SCN1A: variants seen among roughly 807,000 people sequenced by gnomAD.
The protein encoded by SCN1A is sodium voltage-gated channel alpha subunit 1, also known as sodium channel protein type 1 subunit alpha.
SCN1A carries 13 observed loss-of-function variants against 193.7 expected under a neutral mutation model. The observed-to-expected ratio is 0.07, with a 90% CI of 0.04 to 0.11. SCN1A has a LOEUF of 0.11. SCN1A is among the 10% of genes least tolerant of loss of function. The probability of loss-of-function intolerance (pLI) is 1.00; values close to 1 mark genes in which losing one functional copy is unlikely to be tolerated. For missense variants in SCN1A, 1,432 were observed against 2,451.1 expected, an observed-to-expected ratio of 0.58 and a Z score of 8.78; for synonymous variants, 781 against 843.6, an observed-to-expected ratio of 0.93 and a Z score of 1.29.
intron 2 of SCN1A, among the ~76,000 whole-genome samples, chr2:166,124,759 G>A (rs536492073): frequency 1.3e-5 from 2 of 152,270 alleles, no homozygotes; most frequent in African/African-American, 2.4e-5. Flanking sequence ...AGACGCCATG[G>A]CCACGGTGTG....
chr2:166,076,391 G>A (rs898123327), intron 3 of SCN1A, among the ~76,000 whole-genome samples: 2 of 151,832 alleles, frequency 1.3e-5, no homozygotes, highest in Non-Finnish European at 2.9e-5. Context: ...AGAGATCAAA[G>A]AACAACTAAA....
chr2:166,144,474 G>A (rs754721339), intron 1 of SCN1A, among the ~76,000 whole-genome samples: 6 of 152,128 alleles, frequency 3.9e-5, no homozygotes, highest in Non-Finnish European at 7.4e-5. Context: ...ATGTGACTAT[G>A]ACTAGTATAA....
chr2:166,074,904 C>A (rs1472170753), intron 3 of SCN1A, among the ~76,000 whole-genome samples: 4 of 152,050 alleles, frequency 2.6e-5, no homozygotes, highest in Non-Finnish European at 5.9e-5. Flanking sequence ...AGTGGATGAT[C>A]AAAAGAAGGG....
At chr2:166,134,310 TTAACTC>T (rs201402776) in intron 1 of SCN1A, among the ~76,000 whole-genome samples, 2 of 152,154 alleles carry the variant, frequency 1.3e-5, no homozygotes, top group African/African-American at 4.8e-5. Flanking sequence ...TTCCCACAGT[TTAACTC>T]TAAAGGAAAT....
chr2:166,099,409 T>C (rs1368413395), intron 2 of SCN1A, among the ~76,000 whole-genome samples: 2 of 151,072 alleles, frequency 1.3e-5, no homozygotes, highest in Non-Finnish European at 2.9e-5. Flanking sequence ...AATATCATAC[T>C]GAATGGGCAA....
chr2:166,080,383 C>G (rs1197133916), intron 2 of SCN1A, among the ~76,000 whole-genome samples: 1 of 151,652 alleles, frequency 6.6e-6, no homozygotes, highest in Non-Finnish European at 1.5e-5. Flanking sequence ...AGAGAGAGGC[C>G]TTTTCAAGAT....
At chr2:166,146,562 G>C (rs780282700) in intron 1 of SCN1A, among the ~76,000 whole-genome samples, 2 of 152,272 alleles carry the variant, frequency 1.3e-5, no homozygotes, top group East Asian at 3.9e-4. Context: ...TAGAGGCAAG[G>C]ACCCTGCTCA....
At chr2:166,136,269 T>C (rs1252772263) in intron 1 of SCN1A, among the ~76,000 whole-genome samples, 1 of 152,158 alleles carries the variant, frequency 6.6e-6, no homozygotes, top group African/African-American at 2.4e-5. Flanking sequence ...ACATAGGGGA[T>C]GTGACCCCTG....
At chr2:166,029,690 A>T (rs1695291973) in intron 19 of SCN1A, among the ~76,000 whole-genome samples, 1 of 152,198 alleles carries the variant, frequency 6.6e-6, no homozygotes, top group African/African-American at 2.4e-5. Flanking sequence ...TCATTCATTT[A>T]ATAAATATGT....
chr2:166,128,236 A>G (rs531230943), upstream of SCN1A, among the ~76,000 whole-genome samples: 59 of 151,908 alleles, frequency 3.9e-4, 1 homozygote, highest in Middle Eastern at 3.4e-3. Flanking sequence ...TTCATTCCCT[A>G]TTGCTATATA....
chr2:166,009,656 C>A (rs1311475301), intron 23 of SCN1A, 63 bp downstream of exon 23: 36 of 1,503,182 alleles, frequency 2.4e-5, no homozygotes, highest in Non-Finnish European at 3.1e-5. Context: ...TTTCCTTTTT[C>A]TAAATTTAAT....
At chr2:165,999,601 A>T in intron 25 of SCN1A, 122 bp downstream of exon 25, 1 of 776,074 alleles carries the variant, frequency 1.3e-6, no homozygotes, top group South Asian at 1.5e-5. Context: ...TACCTGTCAC[A>T]CTTTTTCCCA....
At position 166,042,298 on chromosome 2, in the gene SCN1A, C is replaced by G. The variant is rs771260698; in HGVS notation, c.2170G>C (p.Val724Leu). 3.1e-6 allele frequency: 5 copies of G among 1,613,612 alleles called. No homozygotes were observed. The South Asian group carries it at 4.4e-5, about 14-fold the overall frequency. Residue 724 changes from valine to leucine, a missense_variant, in exon 15 of 29, where the codon GTA becomes CTA. Physicochemically the swap from Val to Leu is conservative, Grantham distance 32. Transcript: ENST00000674923. ...MSIASILTNTVEELEESRQKC... is the reference protein window; with the variant it reads ...MSIASILTNTLEELEESRQKC... ...AATAGAATTTGTTACCAACCTTCTACTGTATTTGTTAGAATGCTGGCTATA... is the reference window on the plus strand; with the variant it reads ...AATAGAATTTGTTACCAACCTTCTAGTGTATTTGTTAGAATGCTGGCTATA...
Position 165,992,524 on chromosome 2 carries a change from CCAG to C in SCN1A, c.4853-105_4853-103del. ...CAAGGTAAGGTTCAGAGTCCTGAAC[CCAG>C]TTATATTAAATATGACAACTATATA... On this transcript the variant is annotated intron_variant, in intron 28 of 28. Coordinates refer to ENST00000674923, the MANE Select transcript of SCN1A (RefSeq NM_001165963.4). This position sits in a 1 kb window ranked among gnomAD's most constrained non-coding sequence, Gnocchi z 6.5. 6 of 1,110,152 alleles carry C rather than the reference CCAG, an allele frequency of 5.4e-6. No individual in the cohort carries two copies. The highest frequency in any genetic ancestry group is 2.5e-5 in the East Asian group (1 of 40,266). 68.8% of individuals were successfully genotyped at this position (1,110,152 alleles called of 1,614,324 possible).
chr2:166,111,139 C>T (rs947359514), intron 2 of SCN1A, among the ~76,000 whole-genome samples: 4 of 152,028 alleles, frequency 2.6e-5, no homozygotes, highest in African/African-American at 7.3e-5. Context: ...GATGAAACAG[C>T]CTTATATTAA....
intron 2 of SCN1A, among the ~76,000 whole-genome samples, chr2:166,123,872 C>T (rs1191624824): frequency 6.6e-6 from 1 of 152,040 alleles, no homozygotes; most frequent in Non-Finnish European, 1.5e-5. Flanking sequence ...TATTTCTGTT[C>T]GTTTCTTTTA....
chr2:166,141,103 T>C (rs1477636796), intron 1 of SCN1A, among the ~76,000 whole-genome samples: 2 of 152,084 alleles, frequency 1.3e-5, no homozygotes, highest in Non-Finnish European at 2.9e-5. Context: ...AAATCAGCCA[T>C]TCTGCCCTGC....
rs1006068535 is a variant in SCN1A at position 165,989,859 on chromosome 2, G to A, written c.*1386C>T. The A allele has an allele frequency of 6.6e-6, 1 of 152,492 alleles. No individual in the cohort carries two copies. Among genetic ancestry groups the A allele is most frequent in the Non-Finnish European group, 1.5e-5 (1 of 68,018 alleles). The allele number at this position is 152,492 out of a possible 1,614,324, so 9.4% of individuals were successfully genotyped here. On this transcript the variant is annotated 3_prime_UTR_variant, in exon 29 of 29. Transcript: ENST00000674923. ...TAAAATTCTAAACACATATTTAATA[G>A]GTTAAGCAGTGTGTTTTTTTAAACA...
At chr2:166,103,989 T>C (rs1257096432) in intron 2 of SCN1A, among the ~76,000 whole-genome samples, 1 of 152,226 alleles carries the variant, frequency 6.6e-6, no homozygotes, top group Non-Finnish European at 1.5e-5. Context: ...ATCAATTTCC[T>C]GGAAATGTAT....
Sources: gnomAD v4.1 joint callset for allele counts (sites outside exome capture counted in the v4.1 genomes callset) on GRCh38, gnomAD v4.1.1 for gene constraint, Gnocchi (gnomAD v3.1) non-coding constraint, MANE v1.5 for transcripts, NCBI Gene and HGNC (gene_info 2026-07-23, HGNC 2026-07-21) for gene names.